MORN1: variants seen among roughly 807,000 people sequenced by gnomAD.
MORN1 encodes MORN repeat-containing protein 1.
Under a neutral mutation model 61.9 loss-of-function variants are expected in MORN1, and 67 were observed. The ratio of observed to expected loss-of-function variants is 1.08; its 90% CI spans 0.89 to 1.33. The LOEUF (loss-of-function observed/expected upper bound fraction) is 1.33. Among genes scored for constraint, MORN1 ranks in the 40% most tolerant of loss-of-function variants. The pLI is 0.00. For synonymous variants in MORN1, 301 were observed against 292.0 expected (o/e 1.03, Z -0.31); for missense variants, 752 against 691.2 (o/e 1.09, Z -0.99).
intron 8 of MORN1, among the ~76,000 whole-genome samples, chr1:2,366,572 G>A (rs1019684564): frequency 2.6e-5 from 4 of 152,170 alleles, no homozygotes; most frequent in African/African-American, 7.2e-5. Flanking sequence ...CACCCAGGCT[G>A]TAGTACAGTG....
chr1:2,382,576 C>T (rs558959693), intron 6 of MORN1, among the ~76,000 whole-genome samples: 23 of 152,222 alleles, frequency 1.5e-4, no homozygotes, highest in African/African-American at 5.1e-4. Flanking sequence ...TGGGAAGGGG[C>T]GGGCAGAAGA....
chr1:2,340,083 C>T (rs959178574), intron 10 of MORN1, among the ~76,000 whole-genome samples: 2 of 152,222 alleles, frequency 1.3e-5, no homozygotes, highest in East Asian at 1.9e-4. Flanking sequence ...ACTTGTCCCC[C>T]GGTGTCATCG....
chr1:2,385,499 C>T (rs2100369431), intron 5 of MORN1: 1 of 342,238 alleles, frequency 2.9e-6, no homozygotes, highest in African/African-American at 2.6e-5. Flanking sequence ...GGAGACGCTC[C>T]TGTGGTGCCA....
At chr1:2,374,661 C>A in intron 6 of MORN1, 104 bp from the exon 7 acceptor site, 1 of 922,314 alleles carries the variant, frequency 1.1e-6, no homozygotes, top group East Asian at 2.7e-5. Context: ...GCCCCAGGAC[C>A]AAAGGCTGCT....
intron 7 of MORN1, among the ~76,000 whole-genome samples, chr1:2,373,028 C>T (rs558242265): frequency 2.6e-5 from 4 of 152,238 alleles, no homozygotes; most frequent in Non-Finnish European, 2.9e-5. Flanking sequence ...GTGGGTCCAC[C>T]GGCTGGCCAG....
In MORN1 at chr1:2,355,183, G is replaced by A. The variant is rs553224119; in HGVS notation, c.1036+2249C>T. On this transcript the variant is annotated intron_variant, in intron 10 of 13. Transcript: ENST00000378531. ...AAGTAGAAGGCATGGCGCCCAGTAA[G>A]TATTTTTATGCAGAAATATGAGAGC... 24 of 1,221,914 alleles carry A rather than the reference G, an allele frequency of 2.0e-5. No homozygotes were observed. The African/African-American group carries it at 3.1e-4, about 16-fold the overall frequency. The allele number at this position is 1,221,914 out of a possible 1,614,324, so 75.7% of individuals were successfully genotyped here.
At chr1:2,338,447 A>T (rs2100259672) in intron 10 of MORN1, among the ~76,000 whole-genome samples, 1 of 152,160 alleles carries the variant, frequency 6.6e-6, no homozygotes, top group Middle Eastern at 3.4e-3. Context: ...ACTGCACTGG[A>T]GCTAACTTGG....
In MORN1 at chr1:2,337,298, C is replaced by T. The variant is rs551062109; in HGVS notation, c.1037-448G>A. ...AGATGGTTCTGCCCCAGCGGCCCAT[C>T]AAGATGGACCTGGCGTCAGGACCCG... On this transcript the variant is annotated intron_variant, in intron 10 of 13. Transcript: ENST00000378531. This position sits in a 1 kb window ranked among gnomAD's most constrained non-coding sequence, Gnocchi z 5.7. Among the ~76,000 whole-genome samples the T allele has an allele frequency of 8.5e-5, 13 of 152,306 alleles. No homozygotes were observed. The highest frequency in any genetic ancestry group is 2.9e-4 in the African/African-American group (12 of 41,570).
intron 6 of MORN1, among the ~76,000 whole-genome samples, 152 bp downstream of exon 6, chr1:2,384,822 GGAGA>G (rs1642452799): frequency 6.6e-6 from 1 of 152,230 alleles, no homozygotes; most frequent in Non-Finnish European, 1.5e-5. Context: ...AACTGTGAGG[GGAGA>G]GAGAAACTTA....
Position 2,363,125 on chromosome 1 carries a change from G to A in MORN1, c.746-4410C>T, listed in dbSNP as rs1026140297. The A allele has an allele frequency of 3.9e-5, 6 of 152,158 alleles. No individual in the cohort carries two copies. The East Asian group carries it at 5.8e-4, about 15-fold the overall frequency. 9.4% of individuals were successfully genotyped at this position (152,158 alleles called of 1,614,324 possible). Reference sequence around the variant, plus strand: ...TGGTCATTTAAATAAAAATAACAACGTATTATTAATTTTATTACATATATG... The same window carrying A: ...TGGTCATTTAAATAAAAATAACAACATATTATTAATTTTATTACATATATG... On this transcript the variant is annotated intron_variant, in intron 8 of 13. Transcript: ENST00000378531.
At chr1:2,379,930 C>G (rs938440763) in intron 6 of MORN1, among the ~76,000 whole-genome samples, 2 of 152,150 alleles carry the variant, frequency 1.3e-5, no homozygotes, top group Non-Finnish European at 2.9e-5. Flanking sequence ...TCTGTGCAGC[C>G]GTATTCACAG....
Position 2,384,969 on chromosome 1 carries a change from C to T in MORN1, c.537+9G>A. On this transcript the variant is annotated intron_variant, in intron 6 of 13. Coordinates refer to ENST00000378531, the MANE Select transcript of MORN1 (RefSeq NM_024848.3). The stretch of plus-strand genomic sequence containing the variant: ...CTCTGGGCAGCAGGTGCCGCGCGCC[C>T]CCGGGTACCTTGTAGGTGGAGCCGT... The T allele has an allele frequency of 1.3e-6, 2 of 1,559,006 alleles. No homozygotes were observed. The highest frequency in any genetic ancestry group is 1.7e-6 in the Non-Finnish European group (2 of 1,151,760).
chr1:2,345,829 C>CCACACACACACACACACACACA (rs57669691), intron 10 of MORN1, among the ~76,000 whole-genome samples: 1 of 148,988 alleles, frequency 6.7e-6, no homozygotes, highest in Admixed American at 6.7e-5. Context: ...ATGTATGCGG[C>CCACACACACACACACACACACA]CACACACACA....
intron 12 of MORN1, among the ~76,000 whole-genome samples, chr1:2,331,659 G>T (rs1009552672): frequency 6.6e-6 from 1 of 152,198 alleles, no homozygotes; most frequent in African/African-American, 2.4e-5. Flanking sequence ...AGCTTGTGAA[G>T]GAACCTTGGC....
chr1:2,359,218 C>A (rs960809573), intron 8 of MORN1, among the ~76,000 whole-genome samples: 9 of 152,138 alleles, frequency 5.9e-5, no homozygotes, highest in African/African-American at 1.7e-4. Flanking sequence ...AGCAGGCTCT[C>A]CGTGCCCATC....
At chr1:2,341,174 T>A (rs1006413132) in intron 10 of MORN1, among the ~76,000 whole-genome samples, 1 of 152,160 alleles carries the variant, frequency 6.6e-6, no homozygotes, top group Non-Finnish European at 1.5e-5. Context: ...CTGCCCAGCT[T>A]CCCCTTTGTG....
intron 13 of MORN1, chr1:2,323,263 T>C (rs113025570): frequency 0.11 from 105,356 of 985,232 alleles, 5,995 homozygotes; most frequent in South Asian, 0.17. Flanking sequence ...ACGGGTGCCG[T>C]CCCCACGACC....
chr1:2,387,396 C>A (rs753979427), intron 4 of MORN1, 23 bp downstream of exon 4: 1 of 1,575,642 alleles, frequency 6.3e-7, no homozygotes, highest in Admixed American at 1.7e-5. Context: ...CCTCACAGCA[C>A]CCGGCTCCTG....
intron 10 of MORN1, chr1:2,351,728 A>G (rs897826541): frequency 7.7e-6 from 4 of 519,756 alleles, no homozygotes; most frequent in Non-Finnish European, 1.5e-5. Flanking sequence ...ACTCATCACA[A>G]TCACAGGGGA....
Sources: allele counts gnomAD v4.1 joint callset (sites outside exome capture counted in the v4.1 genomes callset), GRCh38; gene constraint gnomAD v4.1.1; non-coding constraint Gnocchi (gnomAD v3.1); transcripts MANE v1.5; gene names NCBI Gene and HGNC (gene_info 2026-07-23, HGNC 2026-07-21).